Variants in HMGB1 observed in about 807,000 individuals in gnomAD.
HMGB1 encodes the protein high mobility group box 1.
For synonymous variants in HMGB1, 81 were observed against 84.0 expected (o/e 0.96, Z 0.19); for missense variants, 79 against 253.5 (o/e 0.31, Z 4.67).
At chr13:30,464,113 AGC>A in intron 1 of HMGB1, 4 of 984,626 alleles carry the variant, frequency 4.1e-6, no homozygotes, top group Non-Finnish European at 4.8e-6. Context: ...CAAGGGCCTA[AGC>A]GAGTCGACTC....
intron 1 of HMGB1, chr13:30,464,035 A>T: frequency 1.1e-6 from 1 of 900,686 alleles, no homozygotes. Context: ...ACACCATTTT[A>T]AACCAACCAA....
chr13:30,478,979 G>A (rs963237937), intron 1 of HMGB1, among the ~76,000 whole-genome samples: 3 of 149,724 alleles, frequency 2.0e-5, no homozygotes, highest in African/African-American at 4.9e-5. Context: ...AGCGATTCTC[G>A]TGCCTCAGCC....
At chr13:30,548,237 C>G (rs370800843) in intron 1 of HMGB1, among the ~76,000 whole-genome samples, 17 of 152,130 alleles carry the variant, frequency 1.1e-4, no homozygotes, top group African/African-American at 4.1e-4. Flanking sequence ...AGTGAATTCT[C>G]ATGAGATCTG....
intron 1 of HMGB1, among the ~76,000 whole-genome samples, chr13:30,573,743 T>C (rs1870531296): frequency 6.6e-6 from 1 of 151,968 alleles, no homozygotes. Flanking sequence ...CTCAACTTTA[T>C]GGGCTTAGGT....
At chr13:30,491,874 GA>G (rs1488290907) in intron 1 of HMGB1, among the ~76,000 whole-genome samples, 1 of 152,062 alleles carries the variant, frequency 6.6e-6, no homozygotes, top group Non-Finnish European at 1.5e-5. Flanking sequence ...TTTGCTCTTA[GA>G]AAGATATCAT....
At chr13:30,470,343 T>C (rs76498459), upstream of HMGB1, among the ~76,000 whole-genome samples, 1 of 152,180 alleles carries the variant, frequency 6.6e-6, no homozygotes, top group Admixed American at 6.5e-5. Flanking sequence ...CTAAAAGCAT[T>C]TAGGTCTTTC....
At chr13:30,532,826 G>A (rs751793844) in intron 1 of HMGB1, among the ~76,000 whole-genome samples, 1 of 152,038 alleles carries the variant, frequency 6.6e-6, no homozygotes, top group Non-Finnish European at 1.5e-5. Context: ...CCTTCCAGAT[G>A]TTTGGTTTTA....
chr13:30,469,288 C>T (rs1055007816), upstream of HMGB1, among the ~76,000 whole-genome samples: 3 of 152,198 alleles, frequency 2.0e-5, no homozygotes, highest in Non-Finnish European at 4.4e-5. Context: ...AATTACAGAT[C>T]GTCATTAATG....
At chr13:30,482,381 C>G (rs1380991589) in intron 1 of HMGB1, among the ~76,000 whole-genome samples, 1 of 152,170 alleles carries the variant, frequency 6.6e-6, no homozygotes, top group East Asian at 1.9e-4. Flanking sequence ...AGTTAGCAGA[C>G]AGTGGGGCTC....
chr13:30,538,668 C>CCTT (rs1555238871), intron 1 of HMGB1, among the ~76,000 whole-genome samples: 5,298 of 19,296 alleles, frequency 0.27, 200 homozygotes, highest in Middle Eastern at 0.48. Context: ...TCTTTCCTTT[C>CCTT]TTTCTTTCTT....
intron 1 of HMGB1, among the ~76,000 whole-genome samples, chr13:30,486,623 A>G (rs1462370076): frequency 6.6e-6 from 1 of 152,216 alleles, no homozygotes; most frequent in Non-Finnish European, 1.5e-5. Flanking sequence ...GTTGGACAGG[A>G]CTGTCAAGGC....
intron 1 of HMGB1, among the ~76,000 whole-genome samples, chr13:30,515,575 G>T (rs1888084700): frequency 6.6e-6 from 1 of 151,784 alleles, no homozygotes; most frequent in Non-Finnish European, 1.5e-5. Flanking sequence ...CGCCAGTAAG[G>T]TCATAATGCC....
intron 1 of HMGB1, among the ~76,000 whole-genome samples, chr13:30,473,487 A>G (rs1886996760): frequency 6.6e-6 from 1 of 152,200 alleles, no homozygotes; most frequent in Non-Finnish European, 1.5e-5. Flanking sequence ...TCTTGATCTC[A>G]ATAATCACAT....
At chr13:30,610,491 G>T (rs1026776259) in intron 1 of HMGB1, among the ~76,000 whole-genome samples, 4 of 152,144 alleles carry the variant, frequency 2.6e-5, no homozygotes, top group Non-Finnish European at 5.9e-5. Context: ...GCCAGACATT[G>T]TTCTATGTCT....
chr13:30,512,543 G>T (rs1263727231), intron 1 of HMGB1, among the ~76,000 whole-genome samples: 1 of 152,176 alleles, frequency 6.6e-6, no homozygotes. Context: ...TTCATGGCAT[G>T]GGCCCTGATC....
At chr13:30,594,758 C>A (rs978941847) in intron 1 of HMGB1, among the ~76,000 whole-genome samples, 1 of 152,144 alleles carries the variant, frequency 6.6e-6, no homozygotes, top group South Asian at 2.1e-4. Flanking sequence ...AATGGGATTG[C>A]TAGCTCAGAT....
intron 1 of HMGB1, among the ~76,000 whole-genome samples, chr13:30,613,993 C>T (rs190139346): frequency 1.3e-5 from 2 of 151,704 alleles, no homozygotes; most frequent in South Asian, 2.1e-4. Context: ...AAGGAAATAC[C>T]TTAAATAATA....
chr13:30,565,531 G>T (rs1870150094), intron 1 of HMGB1, among the ~76,000 whole-genome samples: 1 of 152,164 alleles, frequency 6.6e-6, no homozygotes, highest in Admixed American at 6.5e-5. Context: ...TCATAATACT[G>T]CCTGAAATCC....
chr13:30,535,094 G>A (rs1888583251), intron 1 of HMGB1, among the ~76,000 whole-genome samples: 1 of 152,164 alleles, frequency 6.6e-6, no homozygotes, highest in South Asian at 2.1e-4. Flanking sequence ...TTTCTGCAGG[G>A]ACTCTCATAA....
Sources: gnomAD v4.1 joint callset for allele counts (sites outside exome capture counted in the v4.1 genomes callset) on GRCh38, gnomAD v4.1.1 for gene constraint, MANE v1.5 for transcripts, NCBI Gene and HGNC (gene_info 2026-07-23, HGNC 2026-07-21) for gene names.